Variants in ARID1B observed in about 807,000 individuals in gnomAD.
The protein encoded by ARID1B is AT-rich interaction domain 1B.
ARID1B carries 30 observed loss-of-function variants against 212.3 expected under a neutral mutation model. The ratio of observed to expected loss-of-function variants is 0.14; its 90% CI spans 0.11 to 0.19. The LOEUF (loss-of-function observed/expected upper bound fraction) is 0.19, where lower values mean the gene tolerates loss of function less well. Among genes scored for constraint, ARID1B ranks in the 10% least tolerant of loss-of-function variants. The pLI is 1.00. For synonymous variants in ARID1B, 1,402 were observed against 1,301.7 expected (o/e 1.08, Z -1.66); for missense variants, 2,891 against 3,204.0 (o/e 0.90, Z 2.36).
In ARID1B at chr6:157,207,950, G is replaced by A; in HGVS notation, c.*59G>A. On this transcript the variant is annotated 3_prime_UTR_variant, in exon 20 of 20. Coordinates refer to ENST00000636930, the MANE Select transcript of ARID1B (RefSeq NM_001374828.1). This position sits in a 1 kb window ranked among gnomAD's most constrained non-coding sequence, Gnocchi z 8.5. ...ATTAGAGGGTCACATATAACTGGCT[G>A]TTTTCTGTTCTTGTTTATCCAGCGT... 2.8e-6 allele frequency: 4 copies of A among 1,413,628 alleles called. No homozygotes were observed. The highest frequency in any genetic ancestry group is 3.7e-6 in the Non-Finnish European group (4 of 1,081,184). The allele number at this position is 1,413,628 out of a possible 1,614,324, so 87.6% of individuals were successfully genotyped here. A position where few individuals can be genotyped will look rare whatever the true frequency, so the allele number is the denominator to read the frequency against.
intron 3 of ARID1B, among the ~76,000 whole-genome samples, chr6:156,926,945 A>G (rs139480236): frequency 0.025 from 3,778 of 152,234 alleles, 158 homozygotes; most frequent in African/African-American, 0.085. Context: ...CTCTCAAAGC[A>G]CTGAGATTAC....
intron 4 of ARID1B, among the ~76,000 whole-genome samples, chr6:156,996,432 T>A (rs926709132): frequency 6.6e-6 from 1 of 152,208 alleles, no homozygotes. Context: ...TGGTTAGAGA[T>A]AGGATGATAA....
chr6:157,133,179 T>C lies in ARID1B; in HGVS notation c.2733T>C (p.Gly911=). 2 of 1,613,122 alleles carry C rather than the reference T, an allele frequency of 1.2e-6. No homozygotes were observed. The highest frequency in any genetic ancestry group is 1.3e-5 in the African/African-American group (1 of 74,974). Residue 911 remains glycine (G), a synonymous_variant, in exon 7 of 20, where the codon GGT becomes GGC. Coordinates refer to ENST00000636930, the MANE Select transcript of ARID1B (RefSeq NM_001374828.1). ...AGAGTAACTCAAGTGGGACTTACGG[T>C]CCACAGATGAGCCAGTATGGACCAC... The part of the protein sequence containing the change: ...FQQSNSSGTY[G]PQMSQYGPQG...
intron 8 of ARID1B, among the ~76,000 whole-genome samples, chr6:157,157,045 A>G (rs772699066): frequency 5.9e-5 from 9 of 152,060 alleles, no homozygotes; most frequent in Non-Finnish European, 1.0e-4. Context: ...CTCAGACCTC[A>G]GTATCCTCCT....
chr6:157,063,937 G>C (rs1783511543), intron 4 of ARID1B, among the ~76,000 whole-genome samples: 1 of 152,218 alleles, frequency 6.6e-6, no homozygotes, highest in Non-Finnish European at 1.5e-5. Context: ...GACCACACTG[G>C]TTGGCACCGC....
intron 2 of ARID1B, among the ~76,000 whole-genome samples, chr6:156,860,437 T>TA (rs1338763974): frequency 6.6e-6 from 1 of 152,168 alleles, no homozygotes; most frequent in South Asian, 2.1e-4. Flanking sequence ...CCTGTTAGTG[T>TA]AAACTGGCAA....
chr6:157,105,695 G>A (rs748621088), intron 5 of ARID1B, among the ~76,000 whole-genome samples: 6 of 152,070 alleles, frequency 3.9e-5, no homozygotes, highest in East Asian at 1.9e-4. Flanking sequence ...TCCGCCTCCC[G>A]GGTTCAAGCG....
At chr6:156,851,208 A>G (rs548651056) in intron 2 of ARID1B, among the ~76,000 whole-genome samples, 125 of 152,252 alleles carry the variant, frequency 8.2e-4, no homozygotes, top group African/African-American at 2.8e-3. Flanking sequence ...CCCTGCAAGC[A>G]CTAGGGGCTG....
Position 156,935,497 on chromosome 6 carries a change from C to T in ARID1B, c.2168C>T (p.Ser723Phe), listed in dbSNP as rs1422976996. 1 of 1,613,790 alleles carries T rather than the reference C, an allele frequency of 6.2e-7. No homozygotes were observed. Among genetic ancestry groups the T allele is most frequent in the Admixed American group, 1.7e-5 (1 of 60,006 alleles). ...DMSQEGYGTR[S>F]QPPLAPGKPN... ...TCTCAGGAAGGCTATGGAACTAGAT[C>T]TCAACCTCCTCTGGCCCCCGGAAAA... Residue 723 changes from serine (S) to phenylalanine (F), a missense_variant, in exon 4 of 20, where the codon TCT (serine) becomes TTT (phenylalanine). This residue lies in a region of ARID1B where 1,643 missense variants were observed against 1,544.0 expected (regional missense o/e 1.06). Transcript: ENST00000636930.
At chr6:157,174,818 T>A in intron 10 of ARID1B, 29 bp from the exon 11 acceptor site, 3 of 187,266 alleles carry the variant, frequency 1.6e-5, no homozygotes, top group South Asian at 1.4e-4. Flanking sequence ...ACCTTTGTCA[T>A]TTTTTTTTTT....
At chr6:157,024,388 TTGAG>T (rs1376217116) in intron 4 of ARID1B, 2 of 152,242 alleles carry the variant, frequency 1.3e-5, no homozygotes, top group African/African-American at 2.4e-5. Flanking sequence ...ATGAACAAAA[TTGAG>T]TGAACAAATT....
At chr6:157,184,492 G>C (rs775811211) in intron 13 of ARID1B, 57 bp downstream of exon 13, 1 of 1,598,698 alleles carries the variant, frequency 6.3e-7, no homozygotes, top group South Asian at 1.1e-5. Context: ...TGGCCTGGGA[G>C]GTTCCGGGAA....
At chr6:157,039,646 TTTCCTTCCTTCCTTCCTTCC>T (rs1273287334) in intron 4 of ARID1B, among the ~76,000 whole-genome samples, 36 of 59,316 alleles carry the variant, frequency 6.1e-4, no homozygotes, top group East Asian at 2.0e-3. Context: ...TCCTTCCTTC[TTTCCTTCCTTCCTTCCTTCC>T]TTCCTTCCTT....
intron 2 of ARID1B, among the ~76,000 whole-genome samples, chr6:156,857,498 A>C (rs1206126003): frequency 6.6e-6 from 1 of 152,072 alleles, no homozygotes; most frequent in Admixed American, 6.5e-5. Context: ...AGTGTGAAGG[A>C]GGGCTTTGTT....
intron 3 of ARID1B, among the ~76,000 whole-genome samples, chr6:156,925,525 T>C (rs145911667): frequency 7.6e-4 from 115 of 152,178 alleles, no homozygotes; most frequent in African/African-American, 2.6e-3. Context: ...AAGAAAATTA[T>C]AAAAAGGTTT....
At chr6:157,075,398 AATGAAAAT>A (rs1378430510) in intron 4 of ARID1B, among the ~76,000 whole-genome samples, 3 of 152,370 alleles carry the variant, frequency 2.0e-5, no homozygotes, top group Admixed American at 6.5e-5. Context: ...AAATGATTTT[AATGAAAAT>A]ATGAAAATTT....
chr6:157,087,721 G>A (rs1034804202), intron 5 of ARID1B, among the ~76,000 whole-genome samples: 1 of 152,008 alleles, frequency 6.6e-6, no homozygotes, highest in Non-Finnish European at 1.5e-5. Flanking sequence ...TGGTGTGTTT[G>A]CTGAGGTAGT....
chr6:156,788,886 T>A lies in ARID1B; in HGVS notation c.1791+9415T>A, dbSNP rs375176139. ...CAAATACTTACTGAGCACCACTTGG[T>A]GCTTAAGATACACAGAGTAAAGATG... On this transcript the variant is annotated intron_variant, in intron 1 of 19. Transcript: ENST00000636930. 2.0e-5 allele frequency among the ~76,000 whole-genome samples: 3 copies of A among 152,330 alleles called. No homozygotes were observed. In the East Asian group the frequency reaches 5.8e-4, roughly 29 times the overall value.
At chr6:157,104,219 T>A (rs1443788676) in intron 5 of ARID1B, among the ~76,000 whole-genome samples, 1 of 152,198 alleles carries the variant, frequency 6.6e-6, no homozygotes, top group East Asian at 1.9e-4. Context: ...CACCCAGTTA[T>A]GATAAAAACA....
Sources: allele counts gnomAD v4.1 joint callset (sites outside exome capture counted in the v4.1 genomes callset), GRCh38; gene constraint gnomAD v4.1.1; regional missense constraint gnomAD v4.1.1; non-coding constraint Gnocchi (gnomAD v3.1); transcripts MANE v1.5; gene names NCBI Gene and HGNC (gene_info 2026-07-23, HGNC 2026-07-21).